NALCN: variants seen among roughly 807,000 people sequenced by gnomAD.
The protein encoded by NALCN is sodium leak channel NALCN.
Under a neutral mutation model 225.3 loss-of-function variants are expected in NALCN, and 111 were observed. The ratio of observed to expected loss-of-function variants is 0.49; its 90% CI spans 0.42 to 0.58. NALCN has a LOEUF of 0.58. NALCN is among the 20% of genes least tolerant of loss of function. The pLI is 0.00. For synonymous variants in NALCN, 764 were observed against 769.0 expected (o/e 0.99, Z 0.11); for missense variants, 1,378 against 2,202.4 (o/e 0.63, Z 7.49).
intron 40 of NALCN, 86 bp from the exon 41 acceptor site, chr13:101,062,204 C>CA: frequency 4.1e-6 from 6 of 1,475,790 alleles, no homozygotes; most frequent in Non-Finnish European, 5.5e-6. Context: ...GAGAGGACAT[C>CA]ACTCAGTCTA....
At chr13:101,193,711 G>T (rs2039776320) in intron 13 of NALCN, among the ~76,000 whole-genome samples, 1 of 152,032 alleles carries the variant, frequency 6.6e-6, no homozygotes, top group South Asian at 2.1e-4. Flanking sequence ...TTGCTTTTGA[G>T]AATTTTTCAA....
intron 11 of NALCN, among the ~76,000 whole-genome samples, chr13:101,239,303 C>T (rs2041675745): frequency 6.6e-6 from 1 of 151,742 alleles, no homozygotes; most frequent in Non-Finnish European, 1.5e-5. Flanking sequence ...TTTCTATACA[C>T]TTATTATGTA....
intron 27 of NALCN, among the ~76,000 whole-genome samples, chr13:101,097,362 A>T (rs943032851): frequency 3.3e-5 from 5 of 152,120 alleles, no homozygotes; most frequent in African/African-American, 1.2e-4. Context: ...ATCTTTCCAT[A>T]ACCATACCTT....
At chr13:101,226,492 C>T (rs1245960166) in intron 13 of NALCN, among the ~76,000 whole-genome samples, 3 of 152,222 alleles carry the variant, frequency 2.0e-5, no homozygotes, top group African/African-American at 7.2e-5. Context: ...CAATAACCAT[C>T]CCCATGTTCC....
intron 6 of NALCN, among the ~76,000 whole-genome samples, chr13:101,369,274 G>A (rs2046470783): frequency 6.6e-6 from 1 of 151,524 alleles, no homozygotes; most frequent in African/African-American, 2.4e-5. Flanking sequence ...TATGTCTCAG[G>A]TAACTAAGCA....
intron 7 of NALCN, among the ~76,000 whole-genome samples, chr13:101,327,456 C>T (rs928195517): frequency 6.6e-6 from 1 of 152,066 alleles, no homozygotes; most frequent in African/African-American, 2.4e-5. Context: ...GCTCATGCTT[C>T]CATTCTAAAG....
chr13:101,370,702 G>C (rs1378316444), intron 6 of NALCN, among the ~76,000 whole-genome samples: 1 of 152,184 alleles, frequency 6.6e-6, no homozygotes, highest in African/African-American at 2.4e-5. Flanking sequence ...AGGCACAATT[G>C]CTTAACCATA....
At chr13:101,349,185 G>C (rs994638898) in intron 6 of NALCN, among the ~76,000 whole-genome samples, 1 of 152,114 alleles carries the variant, frequency 6.6e-6, no homozygotes, top group East Asian at 1.9e-4. Context: ...CTTGAATAAA[G>C]TATCTACTTG....
intron 18 of NALCN, among the ~76,000 whole-genome samples, chr13:101,123,188 A>C (rs928839435): frequency 2.6e-5 from 4 of 152,204 alleles, no homozygotes; most frequent in Non-Finnish European, 5.9e-5. Flanking sequence ...CTGGGAACCC[A>C]TTCACACAGA....
intron 43 of NALCN, chr13:101,057,683 C>G: frequency 2.1e-6 from 1 of 480,050 alleles, no homozygotes; most frequent in South Asian, 2.3e-5. Context: ...TGAATCTTGT[C>G]TTTTTCATAG....
At chr13:101,097,311 T>C (rs2034562578) in intron 27 of NALCN, among the ~76,000 whole-genome samples, 1 of 152,216 alleles carries the variant, frequency 6.6e-6, no homozygotes, top group Admixed American at 6.5e-5. Context: ...GTTTATATTC[T>C]TCCATCGCCC....
At chr13:101,088,605 G>A (rs1340211372) in intron 30 of NALCN, among the ~76,000 whole-genome samples, 1 of 152,144 alleles carries the variant, frequency 6.6e-6, no homozygotes, top group Non-Finnish European at 1.5e-5. Context: ...GATTGAATAT[G>A]TAAAATCTTA....
chr13:101,124,473 T>C, intron 18 of NALCN, 135 bp downstream of exon 18: 1 of 757,206 alleles, frequency 1.3e-6, no homozygotes. Flanking sequence ...TATAAGTACA[T>C]AGATACTCAA....
chr13:101,059,944 G>A lies in NALCN; in HGVS notation c.4779C>T (p.Ile1593=), dbSNP rs1287671750. ...GCTGACTCTCTCTCAGGCTGTGGAT[G>A]ATACTGCACGACTGCTGCTGTTTCT... is the stretch of plus-strand genomic sequence containing the variant. ...IRAKQQQSCS[I]IHSLRESQQQ... is the part of the protein sequence containing the mutation. The change falls in exon 42 of 44, where the codon ATC becomes ATT. Residue 1593 remains isoleucine (I), a synonymous_variant. Coordinates refer to ENST00000251127, the MANE Select transcript of NALCN (RefSeq NM_052867.4). The A allele has an allele frequency of 6.2e-7, 1 of 1,613,998 alleles. No individual in the cohort carries two copies. The highest frequency in any genetic ancestry group is 2.2e-5 in the East Asian group (1 of 44,864).
intron 17 of NALCN, among the ~76,000 whole-genome samples, chr13:101,130,202 C>G (rs1024720875): frequency 7.2e-5 from 10 of 139,844 alleles, no homozygotes; most frequent in African/African-American, 3.0e-4. Context: ...ACCAGGGATG[C>G]CAGAATTAGA....
At chr13:101,358,857 T>C (rs960016026) in intron 6 of NALCN, among the ~76,000 whole-genome samples, 7 of 152,178 alleles carry the variant, frequency 4.6e-5, no homozygotes, top group African/African-American at 1.7e-4. Flanking sequence ...TGGAATACTA[T>C]GCAGCCATAA....
chr13:101,101,804 C>G (rs751984609), intron 26 of NALCN, among the ~76,000 whole-genome samples: 4 of 152,118 alleles, frequency 2.6e-5, no homozygotes, highest in African/African-American at 9.7e-5. Flanking sequence ...AACAAGTGAA[C>G]TGCACTGGTT....
chr13:101,328,509 A>G (rs556987541), intron 7 of NALCN, among the ~76,000 whole-genome samples: 21 of 152,260 alleles, frequency 1.4e-4, no homozygotes, highest in African/African-American at 4.3e-4. Context: ...ACATTGTATA[A>G]TCATGAGTGT....
rs78095277 is a variant in NALCN at position 101,292,886 on chromosome 13, G to A, written c.800-520C>T. 7.4e-3 allele frequency among the ~76,000 whole-genome samples: 1,119 copies of A among 152,232 alleles called. 17 individuals are homozygous for A. Among genetic ancestry groups the A allele is most frequent in the East Asian group, 0.06 (311 of 5,180 alleles). On this transcript the variant is annotated intron_variant, in intron 7 of 43. Coordinates refer to ENST00000251127, the MANE Select transcript of NALCN (RefSeq NM_052867.4). This position sits in a 1 kb window ranked among gnomAD's most constrained non-coding sequence, Gnocchi z 4.3. ...TGTCTTTGGATTCCATGGTGTTACC[G>A]AACACCAGAATGTAAGGCAGTGAAT...
Sources: gnomAD v4.1 joint callset for allele counts (sites outside exome capture counted in the v4.1 genomes callset) on GRCh38, gnomAD v4.1.1 for gene constraint, Gnocchi (gnomAD v3.1) non-coding constraint, MANE v1.5 for transcripts, NCBI Gene and HGNC (gene_info 2026-07-23, HGNC 2026-07-21) for gene names.